A2M: variants seen among roughly 807,000 people sequenced by gnomAD.
The protein encoded by A2M is C3 and PZP-like alpha-2-macroglobulin domain-containing protein 5.
In A2M, 128 loss-of-function variants were observed where a neutral mutation model predicts 183.9. That is an observed-to-expected ratio of 0.70 (90% CI 0.60 to 0.81). The LOEUF is 0.81. Ranked by LOEUF, A2M falls within the 30% of genes least tolerant of loss-of-function variation. The pLI is 0.00. For missense variants in A2M, 1,495 were observed against 1,787.6 expected, an observed-to-expected ratio of 0.84 and a Z score of 2.95; for synonymous variants, 592 against 670.8, an observed-to-expected ratio of 0.88 and a Z score of 1.81.
At chr12:9,078,344 T>G (rs141662705) in intron 25 of A2M, among the ~76,000 whole-genome samples, 58 of 152,346 alleles carry the variant, frequency 3.8e-4, no homozygotes, top group African/African-American at 1.4e-3. Context: ...TCCAGCTTCA[T>G]CCATGTCCCT....
rs117272978 is a variant in A2M, at chr12:9,094,958, T to C, written c.2125+15A>G. 1.9e-4 allele frequency: 259 copies of C among 1,364,326 alleles called. 2 individuals carry two copies. In the East Asian group the frequency reaches 6.5e-3, roughly 34 times the overall value. 84.5% of individuals were successfully genotyped at this position (1,364,326 alleles called of 1,614,324 possible). Reference sequence around the variant, plus strand: ...AATATATTAGGCAATATATATTTATTAATTTTTTGTTTACCATAAAAACCT... The same window carrying C: ...AATATATTAGGCAATATATATTTATCAATTTTTTGTTTACCATAAAAACCT... On this transcript the variant is annotated intron_variant, in intron 17 of 35. Transcript: ENST00000318602.
intron 8 of A2M, 58 bp downstream of exon 8, chr12:9,107,466 A>G: frequency 1.9e-6 from 3 of 1,590,086 alleles, no homozygotes; most frequent in East Asian, 2.3e-5. Context: ...GCTGCAACTC[A>G]CTGCTTTTCA....
At chr12:9,083,482 C>T (rs1948968614) in intron 22 of A2M, among the ~76,000 whole-genome samples, 14 of 150,498 alleles carry the variant, frequency 9.3e-5, no homozygotes, top group Admixed American at 9.3e-4. Flanking sequence ...AAATAGAAAT[C>T]CTGGAAATAA....
intron 15 of A2M, 42 bp from the exon 16 acceptor site, chr12:9,095,742 CTT>C (rs34176052): frequency 0.087 from 25,131 of 289,836 alleles, 750 homozygotes; most frequent in South Asian, 0.13. Flanking sequence ...TTATTTGTGA[CTT>C]TTTTTTTTTT....
In A2M at chr12:9,098,697, G is replaced by A; in HGVS notation, c.1761C>T (p.Val587=). Residue 587 remains valine, a synonymous_variant, in exon 15 of 36, where the codon GTC becomes GTT. Coordinates refer to ENST00000318602, the MANE Select transcript of A2M (RefSeq NM_000014.6). ...CGCAGACGGACTGAGGAGCCGCTGT[G>A]ACTCGCAGGTGGGCGTGTGAGGCTG... The part of the protein sequence containing the change: ...SLPASHAHLR[V]TAAPQSVCAL... 1 of 1,612,476 alleles carries A rather than the reference G, an allele frequency of 6.2e-7. No homozygotes were observed. The highest frequency in any genetic ancestry group is 8.5e-7 in the Non-Finnish European group (1 of 1,179,546).
intron 33 of A2M, chr12:9,069,104 T>TA (rs1341231272): frequency 3.6e-6 from 1 of 278,552 alleles, no homozygotes; most frequent in East Asian, 6.3e-5. Flanking sequence ...ATATACTTTT[T>TA]ATTGGATGAC....
rs779737701 is a variant in A2M, at chr12:9,069,794, A to G, written c.4214T>C (p.Val1405Ala). ...GTTGCTGCTGACTTCTGTCCGGCTC[A>G]CATGGTTAGATCTTTCAAGCTGAAG... ...TVKMLERSNH[V>A]SRTEVSSNHV... The change falls in exon 33 of 36, where the codon GTG (valine) becomes GCG (alanine). Residue 1405 changes from valine to alanine, a missense_variant. Physicochemically the swap from Val to Ala is moderately conservative, Grantham distance 64. Transcript: ENST00000318602. The G allele has an allele frequency of 1.2e-6, 2 of 1,613,344 alleles. No homozygotes were observed. Among genetic ancestry groups the G allele is most frequent in the African/African-American group, 2.7e-5 (2 of 74,910 alleles).
At chr12:9,096,239 C>A (rs917959721) in intron 15 of A2M, among the ~76,000 whole-genome samples, 2 of 152,188 alleles carry the variant, frequency 1.3e-5, no homozygotes, top group East Asian at 1.9e-4. Flanking sequence ...TCTAAGTACT[C>A]ATCTAAGTAC....
rs1412424355 is a variant in A2M at position 9,091,415 on chromosome 12, G to T, written c.2255C>A (p.Ala752Asp). 6.2e-7 allele frequency: 1 copy of T among 1,614,014 alleles called. No individual in the cohort carries two copies. The highest frequency in any genetic ancestry group is 8.5e-7 in the Non-Finnish European group (1 of 1,180,016). Residue 752 changes from alanine (A) to aspartate (D), a missense_variant, in exon 19 of 36, where the codon GCT (alanine) becomes GAT (aspartate). Coordinates refer to ENST00000318602, the MANE Select transcript of A2M (RefSeq NM_000014.6). ...GTCAGGGACTGTTACTCCTACCTCA[G>T]CCACACCTGCTGAGCTGGAGAGGAG... is the stretch of plus-strand genomic sequence containing the variant. ...DLVVVNSAGV[A>D]EVGVTVPDTI...
At chr12:9,106,193 G>T in intron 10 of A2M, 43 bp downstream of exon 10, 1 of 1,159,844 alleles carries the variant, frequency 8.6e-7, no homozygotes, top group Non-Finnish European at 1.3e-6. Flanking sequence ...TGCTAATTAG[G>T]TAACAGTACA....
At chr12:9,072,181 T>A (rs1324111004) in intron 31 of A2M, among the ~76,000 whole-genome samples, 178 bp downstream of exon 31, 1 of 152,236 alleles carries the variant, frequency 6.6e-6, no homozygotes, top group African/African-American at 2.4e-5. Flanking sequence ...CAATAGTAGA[T>A]CCTGGATGGA....
chr12:9,095,835 C>T lies in A2M; in HGVS notation c.1852-135G>A, dbSNP rs1162332492. 1.5e-5 allele frequency: 10 copies of T among 667,452 alleles called. No individual in the cohort carries two copies. The East Asian group carries it at 3.4e-4, about 23-fold the overall frequency. The allele number at this position is 667,452 out of a possible 1,614,324, so 41.3% of individuals were successfully genotyped here. On this transcript the variant is annotated intron_variant, in intron 15 of 35. Transcript: ENST00000318602. ...ACTGCAGTGGCGCAATCTCGGCTCA[C>T]TGCAAGCTCCGCTTCCCGGGTTCAC...
In A2M at chr12:9,099,533, A is replaced by G. The variant is rs374549390; in HGVS notation, c.1559-10T>C. On this transcript the variant is annotated splice_polypyrimidine_tract_variant and intron_variant, in intron 13 of 35. Coordinates refer to ENST00000318602, the MANE Select transcript of A2M (RefSeq NM_000014.6). Reference sequence around the variant, plus strand: ...GAAAAATGGCCCTTCACTGGGGCACAAAGAGAATGAGAGGAAGCCATCATA... The same window carrying G: ...GAAAAATGGCCCTTCACTGGGGCACGAAGAGAATGAGAGGAAGCCATCATA... 13 of 1,603,980 alleles carry G rather than the reference A, an allele frequency of 8.1e-6. No homozygotes were observed. In the African/African-American group the frequency reaches 1.5e-4, roughly 18 times the overall value.
At position 9,104,233 on chromosome 12, in the gene A2M, A is replaced by T. The variant is rs370396020; in HGVS notation, c.1266+6T>A. The T allele has an allele frequency of 5.0e-6, 8 of 1,605,436 alleles. No homozygotes were observed. The East Asian group carries it at 6.7e-5, about 13-fold the overall frequency. On this transcript the variant is annotated splice_donor_region_variant and intron_variant, in intron 11 of 35. Transcript: ENST00000318602. ...CATGTCATTGGTAATTTCTTTCCAA[A>T]CTTACCCTAACAGTAAGAGAGGTAC...
At chr12:9,085,147 G>A (rs954884193) in intron 22 of A2M, among the ~76,000 whole-genome samples, 2 of 151,914 alleles carry the variant, frequency 1.3e-5, no homozygotes, top group African/African-American at 4.8e-5. Flanking sequence ...ATAAGAAAAC[G>A]TTGAACTTGA....
intron 7 of A2M, among the ~76,000 whole-genome samples, chr12:9,108,410 G>A (rs1009824868): frequency 1.3e-5 from 2 of 152,198 alleles, no homozygotes; most frequent in Non-Finnish European, 2.9e-5. Context: ...ACAGGCGTGA[G>A]CCACCACGCC....
At position 9,090,388 on chromosome 12, in the gene A2M, G is replaced by C; in HGVS notation, c.2564C>G (p.Thr855Ser). 6.2e-7 allele frequency: 1 copy of C among 1,614,010 alleles called. No homozygotes were observed. Among genetic ancestry groups the C allele is most frequent in the Non-Finnish European group, 8.5e-7 (1 of 1,179,890 alleles). The change falls in exon 20 of 36, where the codon ACT becomes AGT. Residue 855 changes from threonine (T) to serine (S), a missense_variant. By Grantham distance (58) the Thr-to-Ser change is moderately conservative. Coordinates refer to ENST00000318602, the MANE Select transcript of A2M (RefSeq NM_000014.6). Reference sequence around the variant, plus strand: ...CTTTGGGGTTACTGCCCAGGACACAGTTTGCCGCCCGTTTGCACAGATGCA... The same window carrying C: ...CTTTGGGGTTACTGCCCAGGACACACTTTGCCGCCCGTTTGCACAGATGCA... ...PHCICANGRQ[T>S]VSWAVTPKSL...
At chr12:9,094,384 T>A (rs1949311520) in intron 17 of A2M, among the ~76,000 whole-genome samples, 1 of 141,964 alleles carries the variant, frequency 7.0e-6, no homozygotes, top group African/African-American at 2.5e-5. Context: ...TACCTATACA[T>A]GCATAAATTT....
chr12:9,074,660 G>T lies in A2M; in HGVS notation c.3656C>A (p.Ala1219Asp), dbSNP rs776551974. The change falls in exon 29 of 36, where the codon GCC (alanine) becomes GAC (aspartate). Residue 1219 changes from alanine (A) to aspartate (D), a missense_variant. Physicochemically the swap from Ala to Asp is moderately radical, Grantham distance 126 (BLOSUM62 -2). Transcript: ENST00000318602. ...TSYVLLAYLT[A>D]QPAPTSEDLT... ...GTCCTCCGAGGTTGGGGCTGGCTGG[G>T]CCGTGAGATAAGCGAGGAGCACATA... The T allele has an allele frequency of 2.4e-5, 38 of 1,613,870 alleles. No homozygotes were observed. The highest frequency in any genetic ancestry group is 1.2e-4 in the South Asian group (11 of 91,016).
Sources: allele counts gnomAD v4.1 joint callset (sites outside exome capture counted in the v4.1 genomes callset), GRCh38; gene constraint gnomAD v4.1.1; transcripts MANE v1.5; gene names NCBI Gene and HGNC (gene_info 2026-07-23, HGNC 2026-07-21).